The following PXDN variants were observed in gnomAD, a reference collection of about 807,000 sequenced individuals.
The protein encoded by PXDN is peroxidasin, also known as peroxidasin homolog.
A neutral mutation model predicts 140.3 loss-of-function variants in PXDN; 77 were observed. The ratio of observed to expected loss-of-function variants is 0.55; its 90% CI spans 0.46 to 0.66. PXDN has a LOEUF of 0.66. PXDN is among the 30% of genes least tolerant of loss of function. The probability of loss-of-function intolerance (pLI) is 0.00; values close to 1 mark genes in which losing one functional copy is unlikely to be tolerated. For synonymous variants in PXDN, 911 were observed against 857.4 expected (o/e 1.06, Z -1.09); for missense variants, 1,838 against 2,039.5 (o/e 0.90, Z 1.90).
Position 1,687,784 on chromosome 2 carries a change from C to T in PXDN, c.345-81G>A, listed in dbSNP as rs1684095474. Reference sequence around the variant, plus strand: ...ACGGAAAAGAAGAATTAAATTGACACATGGAGACAGTTTTACAATTAATGA... The same window carrying T: ...ACGGAAAAGAAGAATTAAATTGACATATGGAGACAGTTTTACAATTAATGA... On this transcript the variant is annotated intron_variant, in intron 3 of 22. Coordinates refer to ENST00000252804, the MANE Select transcript of PXDN (RefSeq NM_012293.3). The surrounding 1 kb of genome is among the most constrained non-coding windows in gnomAD (Gnocchi z 4.0). 4.7e-6 allele frequency: 5 copies of T among 1,072,896 alleles called. No homozygotes were observed. Among genetic ancestry groups the T allele is most frequent in the Non-Finnish European group, 6.9e-6 (5 of 728,000 alleles). The allele number at this position is 1,072,896 out of a possible 1,614,324, so 66.5% of individuals were successfully genotyped here.
At chr2:1,655,978 T>C (rs1459670391) in intron 14 of PXDN, among the ~76,000 whole-genome samples, 8 of 151,102 alleles carry the variant, frequency 5.3e-5, no homozygotes. Context: ...AACACGCACA[T>C]AGCCCATCAA....
intron 12 of PXDN, among the ~76,000 whole-genome samples, 195 bp downstream of exon 12, chr2:1,663,410 G>C (rs566047683): frequency 6.6e-6 from 1 of 152,124 alleles, no homozygotes; most frequent in African/African-American, 2.4e-5. Context: ...GTTTTCACCC[G>C]CTAAAGGGAC....
intron 1 of PXDN, among the ~76,000 whole-genome samples, chr2:1,729,701 T>C (rs1685269194): frequency 6.6e-6 from 1 of 152,042 alleles, no homozygotes. Flanking sequence ...TCCCCAAAAA[T>C]CTACTGAAAT....
chr2:1,690,714 T>C lies in PXDN; in HGVS notation c.344+1214A>G, dbSNP rs188436469. 1.1e-4 allele frequency among the ~76,000 whole-genome samples: 13 copies of C among 118,004 alleles called. No individual in the cohort carries two copies. The East Asian group carries it at 2.3e-3, about 21-fold the overall frequency. The allele number at this position is 118,004 out of a possible 152,430, so 77.4% of individuals were successfully genotyped here. ...AAAGGCCTGCCTCTCATTTTAGAAA[T>C]AGAAATGTGGGACCAGGCTTCATCA... is the stretch of plus-strand genomic sequence containing the variant. On this transcript the variant is annotated intron_variant, in intron 3 of 22. Transcript: ENST00000252804.
chr2:1,711,987 C>T (rs528977394), intron 1 of PXDN, among the ~76,000 whole-genome samples: 1 of 152,310 alleles, frequency 6.6e-6, no homozygotes, highest in African/African-American at 2.4e-5. Context: ...GTCAGGTTAA[C>T]ACAACTCTCA....
intron 8 of PXDN, 59 bp from the exon 9 acceptor site, chr2:1,673,871 C>A: frequency 6.3e-7 from 1 of 1,575,518 alleles, no homozygotes; most frequent in South Asian, 1.1e-5. Context: ...GTACCTCACC[C>A]ATCCCCAGCA....
At chr2:1,702,601 G>C (rs1261035945) in intron 1 of PXDN, among the ~76,000 whole-genome samples, 1 of 152,176 alleles carries the variant, frequency 6.6e-6, no homozygotes, top group Non-Finnish European at 1.5e-5. Context: ...AAAGTCTTCA[G>C]GGCACAGCTT....
chr2:1,653,902 A>G lies in PXDN; in HGVS notation c.1947-117T>C, dbSNP rs1277415118. 6 of 1,231,726 alleles carry G rather than the reference A, an allele frequency of 4.9e-6. No individual in the cohort carries two copies. The Admixed American group carries it at 7.8e-5, about 16-fold the overall frequency. The allele number at this position is 1,231,726 out of a possible 1,614,324, so 76.3% of individuals were successfully genotyped here. A position where few individuals can be genotyped will look rare whatever the true frequency, so the allele number is the denominator to read the frequency against. On this transcript the variant is annotated intron_variant, in intron 15 of 22. Transcript: ENST00000252804. The stretch of plus-strand genomic sequence containing the variant: ...TATTTCTACGGCTACTTTCTACAAC[A>G]TAATGTACTATACCTTCCTCATCCG...
chr2:1,691,873 T>C (rs1229952384), intron 3 of PXDN, 55 bp downstream of exon 3: 1 of 1,165,368 alleles, frequency 8.6e-7, no homozygotes, highest in Non-Finnish European at 1.2e-6. Context: ...AGCTCTATTT[T>C]TAAGTAATCT....
intron 16 of PXDN, among the ~76,000 whole-genome samples, chr2:1,650,831 TA>T (rs1277888795): frequency 6.6e-6 from 1 of 152,108 alleles, no homozygotes; most frequent in Admixed American, 6.6e-5. Context: ...TTCTTTTTTC[TA>T]AAGTTTCTCC....
At chr2:1,652,481 G>T (rs936984542) in intron 16 of PXDN, among the ~76,000 whole-genome samples, 3 of 99,730 alleles carry the variant, frequency 3.0e-5, no homozygotes, top group Non-Finnish European at 8.2e-5. Flanking sequence ...AACAAAATGG[G>T]CTCTGATGCT....
intron 19 of PXDN, 122 bp downstream of exon 19, chr2:1,643,246 G>T: frequency 1.9e-6 from 2 of 1,036,842 alleles, no homozygotes; most frequent in African/African-American, 1.6e-5. Flanking sequence ...TAAATCTAAA[G>T]CTGAATATTT....
At chr2:1,723,262 T>G (rs553135352) in intron 1 of PXDN, among the ~76,000 whole-genome samples, 2 of 151,866 alleles carry the variant, frequency 1.3e-5, no homozygotes, top group African/African-American at 2.4e-5. Flanking sequence ...AACAGATAGA[T>G]GGACTAATGA....
intron 1 of PXDN, among the ~76,000 whole-genome samples, chr2:1,710,743 C>T (rs1403126525): frequency 4.9e-5 from 5 of 102,512 alleles, no homozygotes; most frequent in African/African-American, 7.3e-5. Flanking sequence ...TCCACCAGCA[C>T]CCACTCCACC....
Position 1,639,323 on chromosome 2 carries a change from G to C in PXDN, c.4052C>G (p.Thr1351Arg), listed in dbSNP as rs760123954. ...SYQEDKPTKK[T>R]RPRKIPSVGR... ...ATACCTGGGTATTTTCCGTGGTCTT[G>C]TTTTCTTGGTCGGCTTGTCCTCCTG... Residue 1351 changes from threonine (T) to arginine (R), a missense_variant, in exon 20 of 23, where the codon ACA becomes AGA. By Grantham distance (71) the Thr-to-Arg change is moderately conservative. Coordinates refer to ENST00000252804, the MANE Select transcript of PXDN (RefSeq NM_012293.3). The surrounding 1 kb of genome is among the most constrained non-coding windows in gnomAD (Gnocchi z 5.0). 3.3e-5 allele frequency: 54 copies of C among 1,613,720 alleles called. No individual in the cohort carries two copies. Among genetic ancestry groups the C allele is most frequent in the Non-Finnish European group, 4.6e-5 (54 of 1,179,830 alleles).
chr2:1,709,982 A>G (rs894181387), intron 1 of PXDN, among the ~76,000 whole-genome samples: 2 of 152,164 alleles, frequency 1.3e-5, no homozygotes, highest in African/African-American at 2.4e-5. Context: ...GGGGCTGCCC[A>G]GGCTGCCCAA....
chr2:1,719,834 TTGTGTGTGTGTGTGTGTG>T (rs36227356), intron 1 of PXDN, among the ~76,000 whole-genome samples: 1 of 108,346 alleles, frequency 9.2e-6, no homozygotes, highest in African/African-American at 4.0e-5. Context: ...CATGCGTGCA[TTGTGTGTGTGTGTGTGTG>T]TGTGTGTGTG....
intron 14 of PXDN, among the ~76,000 whole-genome samples, chr2:1,659,863 T>C (rs186266276): frequency 6.0e-4 from 91 of 152,340 alleles, no homozygotes; most frequent in Non-Finnish European, 1.0e-3. Flanking sequence ...GCCATGTTCA[T>C]GGCACTGAGT....
At chr2:1,654,019 A>T (rs918074898) in intron 15 of PXDN, 5 of 535,320 alleles carry the variant, frequency 9.3e-6, no homozygotes, top group Non-Finnish European at 1.6e-5. Context: ...AGAGAAAATC[A>T]CAGATATTGC....
Sources: allele counts gnomAD v4.1 joint callset (sites outside exome capture counted in the v4.1 genomes callset), GRCh38; gene constraint gnomAD v4.1.1; non-coding constraint Gnocchi (gnomAD v3.1); transcripts MANE v1.5; gene names NCBI Gene and HGNC (gene_info 2026-07-23, HGNC 2026-07-21).